PTN: variants seen among roughly 807,000 people sequenced by gnomAD.
PTN encodes heparin affin regulatory protein.
A neutral mutation model predicts 24.1 loss-of-function variants in PTN; 18 were observed. That is an observed-to-expected ratio of 0.75 (90% confidence interval 0.52 to 1.11). PTN has a LOEUF of 1.11. Ranked by LOEUF, PTN falls within the 50% of genes least tolerant of loss-of-function variation. The pLI is 0.00. For missense variants in PTN, 163 were observed against 198.8 expected (o/e 0.82, Z 1.08); for synonymous variants, 78 against 68.6 (o/e 1.14, Z -0.67).
intron 1 of PTN, among the ~76,000 whole-genome samples, chr7:137,284,043 T>C (rs1024719167): frequency 7.6e-6 from 1 of 132,308 alleles, no homozygotes; most frequent in African/African-American, 2.9e-5. Context: ...CTCGGCTCAC[T>C]GCAAGCTCCG....
At chr7:137,308,584 G>T (rs963356035) in intron 1 of PTN, among the ~76,000 whole-genome samples, 19 of 152,060 alleles carry the variant, frequency 1.2e-4, no homozygotes, top group African/African-American at 4.6e-4. Context: ...GAATTTTTGT[G>T]ACAGATATTA....
At chr7:137,228,243 A>G (rs955916956) in intron 4 of PTN, among the ~76,000 whole-genome samples, 168 bp from the exon 5 acceptor site, 3 of 151,278 alleles carry the variant, frequency 2.0e-5, no homozygotes, top group Non-Finnish European at 4.4e-5. Flanking sequence ...GTGTATGTGC[A>G]TGTGTGTGTG....
intron 1 of PTN, among the ~76,000 whole-genome samples, chr7:137,287,280 T>C (rs11765480): frequency 0.52 from 78,776 of 152,032 alleles, 21,748 homozygotes; most frequent in Non-Finnish European, 0.63. Context: ...CCTCTACTTA[T>C]AGTGCTTCTT....
chr7:137,262,034 T>C (rs113140832), intron 1 of PTN, among the ~76,000 whole-genome samples: 5 of 152,196 alleles, frequency 3.3e-5, no homozygotes, highest in Non-Finnish European at 5.9e-5. Context: ...CTGGTTTCTA[T>C]GACATGCCTT....
intron 1 of PTN, among the ~76,000 whole-genome samples, chr7:137,273,108 A>C (rs1382946224): frequency 6.6e-6 from 1 of 152,238 alleles, no homozygotes; most frequent in Non-Finnish European, 1.5e-5. Context: ...TAATCAATAC[A>C]TCCTTTAAGG....
At chr7:137,334,977 G>T (rs1325450422) in intron 1 of PTN, among the ~76,000 whole-genome samples, 2 of 147,116 alleles carry the variant, frequency 1.4e-5, no homozygotes, top group African/African-American at 5.1e-5. Flanking sequence ...CTCACTCATA[G>T]GTGAGAATTG....
chr7:137,335,535 T>C (rs930771533), intron 1 of PTN, among the ~76,000 whole-genome samples: 11 of 152,242 alleles, frequency 7.2e-5, no homozygotes, highest in Admixed American at 3.3e-4. Context: ...ACATCATGAC[T>C]GGAGCATTCT....
At chr7:137,339,568 C>CAAAAAAAAAAAAA (rs58934357) in intron 1 of PTN, among the ~76,000 whole-genome samples, 1 of 123,816 alleles carries the variant, frequency 8.1e-6, no homozygotes, top group African/African-American at 3.2e-5. Context: ...GGTCTTGAAT[C>CAAAAAAAAAAAAA]AAAAAAAAAA....
At chr7:137,342,536 T>C (rs1312427553) in intron 1 of PTN, among the ~76,000 whole-genome samples, 1 of 151,694 alleles carries the variant, frequency 6.6e-6, no homozygotes, top group African/African-American at 2.4e-5. Flanking sequence ...CCTGTGTGTG[T>C]GTGTGTGTGT....
intron 1 of PTN, among the ~76,000 whole-genome samples, chr7:137,331,885 T>C (rs1048968595): frequency 3.9e-5 from 6 of 152,246 alleles, no homozygotes; most frequent in Admixed American, 2.0e-4. Context: ...GGATTATTTG[T>C]TCCCATCTAA....
intron 1 of PTN, among the ~76,000 whole-genome samples, chr7:137,296,190 CAAGT>C (rs1288695602): frequency 1.3e-5 from 2 of 152,006 alleles, no homozygotes; most frequent in Admixed American, 6.6e-5. Context: ...AGAATTATAG[CAAGT>C]GAGATAAACA....
intron 4 of PTN, among the ~76,000 whole-genome samples, chr7:137,232,411 A>G (rs983552349): frequency 1.3e-5 from 2 of 151,976 alleles, no homozygotes; most frequent in African/African-American, 4.8e-5. Flanking sequence ...ATTGGGATAC[A>G]GAGATGAGAA....
At chr7:137,291,276 A>C (rs1416324008) in intron 1 of PTN, among the ~76,000 whole-genome samples, 1 of 152,234 alleles carries the variant, frequency 6.6e-6, no homozygotes, top group Non-Finnish European at 1.5e-5. Context: ...ATTACTTTTC[A>C]AAATTTTCTA....
intron 1 of PTN, among the ~76,000 whole-genome samples, chr7:137,340,797 C>T (rs951596969): frequency 6.6e-6 from 1 of 152,212 alleles, no homozygotes; most frequent in Non-Finnish European, 1.5e-5. Context: ...GAGAAAAGCA[C>T]ATCTCAAACT....
chr7:137,268,985 G>A (rs1411894589), intron 1 of PTN, among the ~76,000 whole-genome samples: 1 of 152,038 alleles, frequency 6.6e-6, no homozygotes, highest in East Asian at 1.9e-4. Flanking sequence ...AAAGATTTTT[G>A]TTGTTCTGTT....
At chr7:137,310,205 T>C (rs1054957308) in intron 1 of PTN, among the ~76,000 whole-genome samples, 21 of 152,140 alleles carry the variant, frequency 1.4e-4, no homozygotes, top group Non-Finnish European at 2.4e-4. Context: ...ATAGTTTTTC[T>C]CAGTAGTGGG....
At chr7:137,276,788 GCTTTT>G (rs1809366959) in intron 1 of PTN, among the ~76,000 whole-genome samples, 1 of 149,316 alleles carries the variant, frequency 6.7e-6, no homozygotes, top group Non-Finnish European at 1.5e-5. Context: ...CACAATTATT[GCTTTT>G]AACAGAAAAA....
intron 1 of PTN, among the ~76,000 whole-genome samples, chr7:137,289,091 C>T (rs1302801152): frequency 2.6e-5 from 4 of 151,960 alleles, no homozygotes; most frequent in African/African-American, 9.7e-5. Context: ...ATTTACAGAT[C>T]GAAAAGAGAA....
intron 4 of PTN, among the ~76,000 whole-genome samples, chr7:137,230,109 A>T (rs955214008): frequency 6.6e-6 from 1 of 151,932 alleles, no homozygotes; most frequent in African/African-American, 2.4e-5. Flanking sequence ...TATTTCATAC[A>T]TAAGTCTGAG....
Sources: gnomAD v4.1 joint callset for allele counts (sites outside exome capture counted in the v4.1 genomes callset) on GRCh38, gnomAD v4.1.1 for gene constraint, MANE v1.5 for transcripts, NCBI Gene and HGNC (gene_info 2026-07-23, HGNC 2026-07-21) for gene names.